Variants in UTRN observed in about 807,000 individuals in gnomAD.
UTRN encodes dystrophin-related protein 1.
A neutral mutation model predicts 463.9 loss-of-function variants in UTRN; 283 were observed. The ratio of observed to expected loss-of-function variants is 0.61; its 90% CI spans 0.55 to 0.67. UTRN has a LOEUF of 0.67. UTRN is among the 30% of genes least tolerant of loss of function. UTRN has a pLI of 0.00. For missense variants in UTRN, 3,922 were observed against 4,084.3 expected, an observed-to-expected ratio of 0.96 and a Z score of 1.08; for synonymous variants, 1,442 against 1,431.5, an observed-to-expected ratio of 1.01 and a Z score of -0.17.
At chr6:144,424,708 C>A (rs1785144767) in intron 6 of UTRN, among the ~76,000 whole-genome samples, 1 of 152,078 alleles carries the variant, frequency 6.6e-6, no homozygotes, top group African/African-American at 2.4e-5. Flanking sequence ...AGGAATAGTT[C>A]AAAGAATTCC....
At chr6:144,701,709 G>T (rs1487271845) in intron 53 of UTRN, among the ~76,000 whole-genome samples, 1 of 152,080 alleles carries the variant, frequency 6.6e-6, no homozygotes, top group Non-Finnish European at 1.5e-5. Context: ...TTTTAAAAAT[G>T]ACAAACACGA....
chr6:144,690,914 T>C (rs904435805), intron 52 of UTRN, among the ~76,000 whole-genome samples: 3 of 152,226 alleles, frequency 2.0e-5, no homozygotes, highest in Admixed American at 2.0e-4. Context: ...GCCTGCTGCT[T>C]CTTTCAAAGG....
At chr6:144,610,251 A>G (rs1430745022) in intron 51 of UTRN, among the ~76,000 whole-genome samples, 1 of 152,032 alleles carries the variant, frequency 6.6e-6, no homozygotes. Context: ...AGATATTACA[A>G]TTGATACTCC....
intron 47 of UTRN, among the ~76,000 whole-genome samples, chr6:144,549,107 T>C (rs953461158): frequency 6.6e-6 from 1 of 152,226 alleles, no homozygotes; most frequent in African/African-American, 2.4e-5. Flanking sequence ...ACTGATACCG[T>C]AAAGCTAGGC....
rs1425458325 is a variant in UTRN, at chr6:144,488,816, A to C, written c.4116A>C (p.Gln1372His). Residue 1372 changes from glutamine (Q) to histidine (H), a missense_variant, in exon 30 of 75, where the codon CAA (glutamine) becomes CAC (histidine). Transcript: ENST00000367545. ...TGACTGACAGGATAGATGCTTTCCA[A>C]GTTCCACAGGAAGCTCAGGTATTGC... Reference protein sequence around the residue: ...TYLTDRIDAFQVPQEAQKIQA... With the variant: ...TYLTDRIDAFHVPQEAQKIQA... 5 of 1,597,588 alleles carry C rather than the reference A, an allele frequency of 3.1e-6. No individual in the cohort carries two copies. The highest frequency in any genetic ancestry group is 3.4e-6 in the Non-Finnish European group (4 of 1,170,286).
At chr6:144,819,831 A>G (rs895837219) in intron 65 of UTRN, among the ~76,000 whole-genome samples, 1 of 151,300 alleles carries the variant, frequency 6.6e-6, no homozygotes, top group African/African-American at 2.4e-5. Context: ...AGTGTCTGTG[A>G]TTACAAGAAA....
At chr6:144,825,708 T>C (rs1428172651) in intron 66 of UTRN, among the ~76,000 whole-genome samples, 1 of 152,182 alleles carries the variant, frequency 6.6e-6, no homozygotes, top group Non-Finnish European at 1.5e-5. Context: ...TATGTTTTGC[T>C]ACACTTGAAT....
In UTRN at chr6:144,507,212, G is replaced by A. The variant is rs142170320; in HGVS notation, c.4765-3732G>A. 2.5e-3 allele frequency among the ~76,000 whole-genome samples: 387 copies of A among 151,850 alleles called. 6 individuals carry two copies. The highest frequency in any genetic ancestry group is 0.01 in the Middle Eastern group (3 of 294). The stretch of plus-strand genomic sequence containing the variant: ...GCTTCCTTGCATTGGGTTAGAACTT[G>A]CTCCTTTAGCTTGGAGGAGTTTGTT... On this transcript the variant is annotated intron_variant, in intron 34 of 74. Coordinates refer to ENST00000367545, the MANE Select transcript of UTRN (RefSeq NM_007124.3).
At position 144,286,824 on chromosome 6, in the gene UTRN, CG is replaced by C. The variant is rs1043516120; in HGVS notation, c.-93+1006del. Among the ~76,000 whole-genome samples, 2 of 151,996 alleles carry C rather than the reference CG, an allele frequency of 1.3e-5. No homozygotes were observed. Among genetic ancestry groups the C allele is most frequent in the African/African-American group, 4.8e-5 (2 of 41,372 alleles). On this transcript the variant is annotated intron_variant, in intron 1 of 74. Coordinates refer to ENST00000367545, the MANE Select transcript of UTRN (RefSeq NM_007124.3). The surrounding 1 kb of genome is among the most constrained non-coding windows in gnomAD (Gnocchi z 4.4). ...TTATTTTACAAGGAACTGCAGAGCTCGGGTTCTAACTCCACGGCCCCGCTCT... is the reference window on the plus strand; with the variant it reads ...TTATTTTACAAGGAACTGCAGAGCTCGGTTCTAACTCCACGGCCCCGCTCT...
intron 34 of UTRN, among the ~76,000 whole-genome samples, chr6:144,500,605 A>G (rs1317113627): frequency 6.6e-6 from 1 of 152,222 alleles, no homozygotes; most frequent in East Asian, 1.9e-4. Context: ...ACACATATTT[A>G]CAGAGTGTTT....
intron 51 of UTRN, among the ~76,000 whole-genome samples, chr6:144,606,295 C>G (rs1425336436): frequency 6.6e-6 from 1 of 152,162 alleles, no homozygotes; most frequent in Non-Finnish European, 1.5e-5. Context: ...ATTACCAATA[C>G]AAACCAAAAG....
intron 2 of UTRN, among the ~76,000 whole-genome samples, chr6:144,352,620 G>A (rs1228725825): frequency 6.6e-6 from 1 of 152,184 alleles, no homozygotes; most frequent in Non-Finnish European, 1.5e-5. Flanking sequence ...TAAGTGAAGT[G>A]TGCACTATTC....
intron 27 of UTRN, among the ~76,000 whole-genome samples, chr6:144,483,781 G>A (rs1040143307): frequency 6.6e-6 from 1 of 152,156 alleles, no homozygotes; most frequent in African/African-American, 2.4e-5. Flanking sequence ...TTGTAGTTTG[G>A]TTTTGGATAC....
At chr6:144,496,806 G>A (rs1793690851) in intron 33 of UTRN, among the ~76,000 whole-genome samples, 1 of 152,170 alleles carries the variant, frequency 6.6e-6, no homozygotes, top group South Asian at 2.1e-4. Context: ...CTTGTGTTAG[G>A]AAGGCTTCCC....
At chr6:144,419,997 C>CACAA (rs1784694131) in intron 3 of UTRN, among the ~76,000 whole-genome samples, 1 of 150,036 alleles carries the variant, frequency 6.7e-6, no homozygotes, top group Admixed American at 6.6e-5. Flanking sequence ...CACACACACA[C>CACAA]AATAAAAACA....
At chr6:144,637,680 A>C (rs1217414439) in intron 51 of UTRN, among the ~76,000 whole-genome samples, 1 of 150,810 alleles carries the variant, frequency 6.6e-6, no homozygotes, top group Non-Finnish European at 1.5e-5. Flanking sequence ...TGTACGTGGC[A>C]TATGTTTCAA....
At chr6:144,758,651 T>C (rs1792280296) in intron 58 of UTRN, among the ~76,000 whole-genome samples, 1 of 152,148 alleles carries the variant, frequency 6.6e-6, no homozygotes, top group South Asian at 2.1e-4. Context: ...CACAGGCTCT[T>C]AGTAGGCGTT....
intron 65 of UTRN, among the ~76,000 whole-genome samples, chr6:144,812,444 T>G (rs1778704563): frequency 6.6e-6 from 1 of 152,198 alleles, no homozygotes; most frequent in Admixed American, 6.5e-5. Flanking sequence ...AAAAGGGAAC[T>G]TTCAGCCATG....
intron 1 of UTRN, among the ~76,000 whole-genome samples, chr6:144,287,180 G>T (rs1228640154): frequency 6.6e-6 from 1 of 152,226 alleles, no homozygotes; most frequent in Non-Finnish European, 1.5e-5. Context: ...GGAGGAATGC[G>T]AAGCTTGTGG....
Sources: gnomAD v4.1 joint callset for allele counts (sites outside exome capture counted in the v4.1 genomes callset) on GRCh38, gnomAD v4.1.1 for gene constraint, Gnocchi (gnomAD v3.1) non-coding constraint, MANE v1.5 for transcripts, NCBI Gene and HGNC (gene_info 2026-07-23, HGNC 2026-07-21) for gene names.